Variants in SNX10 observed in about 807,000 individuals in gnomAD.
SNX10 encodes sorting nexin-10.
A neutral mutation model predicts 28.5 loss-of-function variants in SNX10; 25 were observed. The observed-to-expected ratio is 0.88, with a 90% CI of 0.64 to 1.22. The LOEUF (loss-of-function observed/expected upper bound fraction) is 1.22. SNX10 is among the 50% of genes most tolerant of loss of function. SNX10 has a pLI of 0.00. For synonymous variants in SNX10, 62 were observed against 81.4 expected (o/e 0.76, Z 1.28); for missense variants, 223 against 242.6 (o/e 0.92, Z 0.54).
intron 1 of SNX10, among the ~76,000 whole-genome samples, chr7:26,322,454 A>AT (rs1423851556): frequency 2.6e-4 from 39 of 152,238 alleles, no homozygotes; most frequent in African/African-American, 9.2e-4. Context: ...TTCTAGCTAC[A>AT]TAAAAAGTCC....
intron 5 of SNX10, among the ~76,000 whole-genome samples, chr7:26,365,866 C>T (rs1241381522): frequency 2.0e-5 from 3 of 152,138 alleles, no homozygotes; most frequent in East Asian, 3.8e-4. Flanking sequence ...GGGGCTTGGG[C>T]AGATCATTTA....
chr7:26,363,847 A>G (rs1416258838), intron 3 of SNX10, among the ~76,000 whole-genome samples: 6 of 152,216 alleles, frequency 3.9e-5, no homozygotes, highest in Non-Finnish European at 7.3e-5. Flanking sequence ...AATTAGATAT[A>G]TACTAGTTCA....
intron 2 of SNX10, among the ~76,000 whole-genome samples, chr7:26,353,268 G>T (rs914845575): frequency 2.6e-5 from 4 of 151,978 alleles, no homozygotes; most frequent in Non-Finnish European, 4.4e-5. Context: ...TAAGTTATTT[G>T]TTACAGCTGT....
intron 1 of SNX10, among the ~76,000 whole-genome samples, chr7:26,308,190 C>T (rs1051928142): frequency 6.6e-6 from 1 of 152,170 alleles, no homozygotes; most frequent in African/African-American, 2.4e-5. Context: ...GAAAACAGTA[C>T]CTCTTGCTGA....
At chr7:26,338,382 G>A (rs1031132216) in intron 1 of SNX10, among the ~76,000 whole-genome samples, 4 of 151,982 alleles carry the variant, frequency 2.6e-5, no homozygotes, top group Admixed American at 1.3e-4. Flanking sequence ...GAATTGAAAC[G>A]GCGAGAGAGT....
At chr7:26,366,972 G>A (rs1396256668) in intron 5 of SNX10, among the ~76,000 whole-genome samples, 2 of 152,180 alleles carry the variant, frequency 1.3e-5, no homozygotes, top group Admixed American at 6.5e-5. Context: ...AGTAGAAAGT[G>A]TCCTGGTTCA....
chr7:26,310,043 C>G (rs1025791743), intron 1 of SNX10, among the ~76,000 whole-genome samples: 11 of 152,134 alleles, frequency 7.2e-5, no homozygotes, highest in African/African-American at 2.7e-4. Context: ...CCAGTCTCAT[C>G]CTCCACAGTC....
chr7:26,342,406 C>T (rs1272642130), intron 1 of SNX10, among the ~76,000 whole-genome samples: 3 of 152,146 alleles, frequency 2.0e-5, no homozygotes, highest in Non-Finnish European at 4.4e-5. Flanking sequence ...CATACAATTG[C>T]GCTGTCATTG....
intron 1 of SNX10, among the ~76,000 whole-genome samples, chr7:26,344,849 A>G (rs1788317023): frequency 6.6e-6 from 1 of 152,210 alleles, no homozygotes; most frequent in Non-Finnish European, 1.5e-5. Context: ...CACAAGCTTG[A>G]TATTTAGAAC....
intron 1 of SNX10, among the ~76,000 whole-genome samples, chr7:26,323,502 C>T (rs35255654): frequency 0.34 from 51,079 of 151,476 alleles, 10,591 homozygotes; most frequent in South Asian, 0.48. Context: ...AGAGAGAAGA[C>T]GAGGCAGCGG....
intron 2 of SNX10, among the ~76,000 whole-genome samples, chr7:26,358,338 A>C (rs1032083893): frequency 1.3e-5 from 2 of 152,212 alleles, no homozygotes; most frequent in African/African-American, 4.8e-5. Context: ...GATATTATGG[A>C]TATTTGGTTT....
At chr7:26,333,641 C>G (rs1312765599) in intron 1 of SNX10, among the ~76,000 whole-genome samples, 1 of 152,084 alleles carries the variant, frequency 6.6e-6, no homozygotes, top group Non-Finnish European at 1.5e-5. Context: ...TCTTTTGATG[C>G]TATATTTAGG....
intron 1 of SNX10, among the ~76,000 whole-genome samples, chr7:26,345,751 C>T (rs1262269803): frequency 1.3e-5 from 2 of 152,134 alleles, no homozygotes; most frequent in African/African-American, 4.8e-5. Flanking sequence ...TGGATATAGG[C>T]AGGGAATTTA....
chr7:26,331,345 C>T (rs185128447), intron 1 of SNX10, among the ~76,000 whole-genome samples: 1 of 152,240 alleles, frequency 6.6e-6, no homozygotes, highest in East Asian at 1.9e-4. Flanking sequence ...CAGCTCTTCG[C>T]AAGGCCAAGG....
intron 2 of SNX10, among the ~76,000 whole-genome samples, chr7:26,354,919 A>ATTT (rs548464262): frequency 1.2e-4 from 18 of 145,202 alleles, no homozygotes; most frequent in Middle Eastern, 3.2e-3. Flanking sequence ...ATTTTCTTTG[A>ATTT]TTTTTTTTTT....
rs73068470 is a variant in SNX10 at position 26,355,650 on chromosome 7, A to G, written c.25-5325A>G. 4.4e-3 allele frequency among the ~76,000 whole-genome samples: 670 copies of G among 152,368 alleles called. 1 individual carries two copies. Among genetic ancestry groups the G allele is most frequent in the Non-Finnish European group, 7.3e-3 (500 of 68,040 alleles). On this transcript the variant is annotated intron_variant, in intron 2 of 6. Transcript: ENST00000338523. ...CAAAGCTTTAAGAAGCCAGAAGGAC[A>G]GAGTTTGAGAAGAGCATGTTGTCTG...
At position 26,309,649 on chromosome 7, in the gene SNX10, C is replaced by A. The variant is rs567976026; in HGVS notation, c.-24+17563C>A. Among the ~76,000 whole-genome samples the A allele has an allele frequency of 2.0e-5, 3 of 152,302 alleles. No homozygotes were observed. The South Asian group carries it at 6.2e-4, about 32-fold the overall frequency. Reference sequence around the variant, plus strand: ...AGAACTCTACCCCCAACCTTCATCCCTAAAGCATTTGAGCCGTTAGTAACT... The same window carrying A: ...AGAACTCTACCCCCAACCTTCATCCATAAAGCATTTGAGCCGTTAGTAACT... On this transcript the variant is annotated intron_variant, in intron 1 of 6. Transcript: ENST00000338523.
At chr7:26,314,645 A>G (rs1304489846) in intron 1 of SNX10, among the ~76,000 whole-genome samples, 2 of 152,162 alleles carry the variant, frequency 1.3e-5, no homozygotes, top group African/African-American at 4.8e-5. Flanking sequence ...TTTCAGTTTC[A>G]TAGTTGAGTA....
chr7:26,318,243 A>G (rs1382970640), intron 1 of SNX10, among the ~76,000 whole-genome samples: 2 of 151,962 alleles, frequency 1.3e-5, no homozygotes, highest in African/African-American at 2.4e-5. Flanking sequence ...GTTTGCAGGT[A>G]TATGTGGTTA....
Sources: allele counts gnomAD v4.1 joint callset (sites outside exome capture counted in the v4.1 genomes callset), GRCh38; gene constraint gnomAD v4.1.1; transcripts MANE v1.5; gene names NCBI Gene and HGNC (gene_info 2026-07-23, HGNC 2026-07-21).